Variants in GRIK2 observed in about 807,000 individuals in gnomAD.
GRIK2 encodes the protein glutamate receptor ionotropic, kainate 2.
Under a neutral mutation model 100.3 loss-of-function variants are expected in GRIK2, and 32 were observed. The ratio of observed to expected loss-of-function variants is 0.32; its 90% CI spans 0.24 to 0.43. GRIK2 has a LOEUF of 0.43. Among genes scored for constraint, GRIK2 ranks in the 20% least tolerant of loss-of-function variants. GRIK2 has a pLI of 1.00. For missense variants in GRIK2, 843 were observed against 1,114.9 expected (o/e 0.76, Z 3.47); for synonymous variants, 417 against 389.4 (o/e 1.07, Z -0.83).
At chr6:101,712,763 A>T (rs1057073799) in intron 7 of GRIK2, among the ~76,000 whole-genome samples, 1 of 151,794 alleles carries the variant, frequency 6.6e-6, no homozygotes, top group Non-Finnish European at 1.5e-5. Context: ...TTCTTGCTCA[A>T]ATCATTGTTC....
rs148036502 is a variant in GRIK2 at position 101,952,831 on chromosome 6, T to C, written c.2085+24199T>C. On this transcript the variant is annotated intron_variant, in intron 14 of 16. Transcript: ENST00000369134. Reference sequence around the variant, plus strand: ...GTTAGCCAGGATGGTCTGGATCTCCTGACTTCTTGATCTGCCCATCTCGGC... The same window carrying C: ...GTTAGCCAGGATGGTCTGGATCTCCCGACTTCTTGATCTGCCCATCTCGGC... Among the ~76,000 whole-genome samples the C allele has an allele frequency of 2.0e-3, 311 of 152,298 alleles. 6 individuals are homozygous for C. In the East Asian group the frequency reaches 0.044, roughly 21 times the overall value.
chr6:101,888,295 T>C (rs890160652), intron 11 of GRIK2, among the ~76,000 whole-genome samples: 1 of 152,168 alleles, frequency 6.6e-6, no homozygotes, highest in Non-Finnish European at 1.5e-5. Context: ...ACAAGTTTTC[T>C]AACTTCGCAA....
At chr6:101,711,690 G>C (rs530415592) in intron 7 of GRIK2, among the ~76,000 whole-genome samples, 21 of 151,874 alleles carry the variant, frequency 1.4e-4, no homozygotes, top group Non-Finnish European at 2.9e-4. Flanking sequence ...ATACATGTAA[G>C]ATCAAAAGAG....
chr6:101,495,367 G>A lies in GRIK2; in HGVS notation c.115+95975G>A, dbSNP rs138244003. ...AAAAATACAAAACAATTAGCCAGGC[G>A]TGGTGGCGGGCACCTGTAGTCCCAG... On this transcript the variant is annotated intron_variant, in intron 2 of 16. Transcript: ENST00000369134. 9.1e-3 allele frequency among the ~76,000 whole-genome samples: 1,371 copies of A among 151,212 alleles called. 25 individuals carry two copies. The highest frequency in any genetic ancestry group is 0.032 in the African/African-American group (1,310 of 40,648).
intron 15 of GRIK2, among the ~76,000 whole-genome samples, chr6:102,050,330 G>A (rs1771104676): frequency 6.6e-6 from 1 of 151,850 alleles, no homozygotes; most frequent in Admixed American, 6.6e-5. Flanking sequence ...GGAGGGAAGT[G>A]GAAGTTAGGG....
intron 15 of GRIK2, among the ~76,000 whole-genome samples, chr6:102,042,826 A>AGTTTCATG (rs921116862): frequency 6.6e-6 from 1 of 151,692 alleles, no homozygotes; most frequent in Non-Finnish European, 1.5e-5. Context: ...TTAGTGTCAG[A>AGTTTCATG]GTTTCATGGT....
intron 4 of GRIK2, among the ~76,000 whole-genome samples, chr6:101,661,276 A>G (rs1769591435): frequency 6.6e-6 from 1 of 152,070 alleles, no homozygotes; most frequent in Non-Finnish European, 1.5e-5. Context: ...TTACACTGTG[A>G]GGGGAAAATT....
intron 9 of GRIK2, among the ~76,000 whole-genome samples, chr6:101,803,410 A>G (rs2128415111): frequency 6.6e-6 from 1 of 151,932 alleles, no homozygotes; most frequent in Middle Eastern, 3.4e-3. Flanking sequence ...TGACCAACTG[A>G]TGACTCAAAC....
At chr6:101,416,276 T>C (rs1019938439) in intron 2 of GRIK2, among the ~76,000 whole-genome samples, 1 of 152,188 alleles carries the variant, frequency 6.6e-6, no homozygotes. Context: ...TGTAGTTTTC[T>C]ACAATTGTAG....
chr6:101,847,087 G>A (rs1391696556), intron 10 of GRIK2, among the ~76,000 whole-genome samples: 2 of 151,242 alleles, frequency 1.3e-5, no homozygotes, highest in South Asian at 2.1e-4. Flanking sequence ...GTAAATTTAT[G>A]TTACTTATTT....
chr6:101,943,132 C>G (rs1456949453), intron 14 of GRIK2, among the ~76,000 whole-genome samples: 1 of 152,186 alleles, frequency 6.6e-6, no homozygotes, highest in East Asian at 1.9e-4. Context: ...TCTAAGGATC[C>G]AAGGTACAGC....
In GRIK2 at chr6:101,947,030, A is replaced by T. The variant is rs115733336; in HGVS notation, c.2085+18398A>T. ...CTTGTAATATTAGCAAGAAACTTTT[A>T]AAAAGATTTACATTCCAAAAGAGTC... is the stretch of plus-strand genomic sequence containing the variant. On this transcript the variant is annotated intron_variant, in intron 14 of 16. Coordinates refer to ENST00000369134, the MANE Select transcript of GRIK2 (RefSeq NM_021956.5). 4.7e-3 allele frequency among the ~76,000 whole-genome samples: 711 copies of T among 152,294 alleles called. 3 individuals are homozygous for T. Among genetic ancestry groups the T allele is most frequent in the African/African-American group, 0.015 (629 of 41,574 alleles).
chr6:102,037,108 A>T (rs1440705275), intron 15 of GRIK2, among the ~76,000 whole-genome samples: 1 of 151,320 alleles, frequency 6.6e-6, no homozygotes. Context: ...TTATGGTTTA[A>T]AAAAAGCTCG....
At chr6:101,469,765 C>G (rs1771847382) in intron 2 of GRIK2, among the ~76,000 whole-genome samples, 1 of 152,130 alleles carries the variant, frequency 6.6e-6, no homozygotes, top group East Asian at 1.9e-4. Flanking sequence ...TCTATTTTAT[C>G]CTGTGCCATC....
At chr6:101,651,558 A>G (rs903734977) in intron 4 of GRIK2, among the ~76,000 whole-genome samples, 1 of 152,178 alleles carries the variant, frequency 6.6e-6, no homozygotes, top group Non-Finnish European at 1.5e-5. Flanking sequence ...AGAGCAATGC[A>G]AGAGGAATCT....
Position 101,503,081 on chromosome 6 carries a change from G to C in GRIK2, c.115+103689G>C, listed in dbSNP as rs1773848600. 2.0e-5 allele frequency among the ~76,000 whole-genome samples: 3 copies of C among 152,270 alleles called. No homozygotes were observed. In the South Asian group the frequency reaches 6.2e-4, roughly 32 times the overall value. ...AATAGGGGAAAACCAGGAGACTACTGTGGCATTATTGGTGCCTGGGAAAGA... is the reference window on the plus strand; with the variant it reads ...AATAGGGGAAAACCAGGAGACTACTCTGGCATTATTGGTGCCTGGGAAAGA... On this transcript the variant is annotated intron_variant, in intron 2 of 16. Transcript: ENST00000369134.
At chr6:101,750,138 A>G (rs1478787963) in intron 7 of GRIK2, among the ~76,000 whole-genome samples, 1 of 152,046 alleles carries the variant, frequency 6.6e-6, no homozygotes, top group African/African-American at 2.4e-5. Context: ...TCTATGATAA[A>G]TATCGTACCT....
At chr6:101,952,788 G>A (rs1385844478) in intron 14 of GRIK2, among the ~76,000 whole-genome samples, 1 of 152,080 alleles carries the variant, frequency 6.6e-6, no homozygotes, top group Non-Finnish European at 1.5e-5. Context: ...ATTTTTAGTA[G>A]AGACGGGGTT....
intron 16 of GRIK2, chr6:102,065,771 A>C (rs1280880388): frequency 6.9e-7 from 1 of 1,447,734 alleles, no homozygotes; most frequent in Non-Finnish European, 9.4e-7. Flanking sequence ...TCATCTAATT[A>C]ATTCTTCTGT....
Sources: allele counts gnomAD v4.1 joint callset (sites outside exome capture counted in the v4.1 genomes callset), GRCh38; gene constraint gnomAD v4.1.1; transcripts MANE v1.5; gene names NCBI Gene and HGNC (gene_info 2026-07-23, HGNC 2026-07-21).